The following MBNL2 variants were observed in gnomAD, a reference collection of about 807,000 sequenced individuals.
MBNL2 encodes the protein muscleblind-like protein 2.
A neutral mutation model predicts 41.9 loss-of-function variants in MBNL2; 17 were observed. That is an observed-to-expected ratio of 0.41 (90% confidence interval 0.28 to 0.61). The LOEUF (loss-of-function observed/expected upper bound fraction) is 0.61, where lower values mean the gene tolerates loss of function less well. Among genes scored for constraint, MBNL2 ranks in the 20% least tolerant of loss-of-function variants. The pLI, the probability that MBNL2 is intolerant of heterozygous loss-of-function variation, is 0.35. For missense variants in MBNL2, 336 were observed against 505.6 expected (o/e 0.66, Z 3.22); for synonymous variants, 195 against 182.9 (o/e 1.07, Z -0.53).
intron 1 of MBNL2, among the ~76,000 whole-genome samples, chr13:97,263,699 G>A (rs971304023): frequency 5.3e-5 from 8 of 151,548 alleles, no homozygotes; most frequent in Non-Finnish European, 1.2e-4. Context: ...CTCACTGCAA[G>A]CTCTGCCTCC....
intron 2 of MBNL2, among the ~76,000 whole-genome samples, chr13:97,302,533 T>C (rs1012275293): frequency 2.0e-5 from 3 of 152,222 alleles, no homozygotes; most frequent in Non-Finnish European, 4.4e-5. Flanking sequence ...AAAAGTGTTC[T>C]TTCCCTTAAT....
intron 1 of MBNL2, among the ~76,000 whole-genome samples, chr13:97,246,673 C>T (rs755976164): frequency 3.2e-4 from 49 of 152,228 alleles, no homozygotes; most frequent in Non-Finnish European, 6.8e-4. Context: ...CCCCTTCCAC[C>T]CCACCCCGAA....
At chr13:97,298,093 G>A (rs1355945048) in intron 2 of MBNL2, among the ~76,000 whole-genome samples, 5 of 151,804 alleles carry the variant, frequency 3.3e-5, no homozygotes, top group African/African-American at 1.2e-4. Context: ...ATAGTTAATG[G>A]GTGCAGCACA....
At chr13:97,219,736 G>A (rs1441902653), upstream of MBNL2, among the ~76,000 whole-genome samples, 2 of 152,282 alleles carry the variant, frequency 1.3e-5, no homozygotes, top group East Asian at 1.9e-4. Flanking sequence ...TAAATGTTAG[G>A]GGGACACAAT....
At chr13:97,342,709 T>C (rs2061531741) in intron 3 of MBNL2, among the ~76,000 whole-genome samples, 1 of 152,204 alleles carries the variant, frequency 6.6e-6, no homozygotes, top group African/African-American at 2.4e-5. Flanking sequence ...GTTATAACAT[T>C]TAATAGTTTG....
chr13:97,238,097 C>G (rs925317275), intron 1 of MBNL2, among the ~76,000 whole-genome samples: 2 of 152,130 alleles, frequency 1.3e-5, no homozygotes, highest in African/African-American at 4.8e-5. Context: ...AAAATTGGCT[C>G]TGATCATTAA....
At chr13:97,218,440 C>CAAAAAAAAAAAAAAAAAAAAAAAAA (rs372883729), upstream of MBNL2, among the ~76,000 whole-genome samples, 1 of 117,974 alleles carries the variant, frequency 8.5e-6, no homozygotes, top group African/African-American at 3.4e-5. Context: ...CAAAACAAAA[C>CAAAAAAAAAAAAAAAAAAAAAAAAA]AAAAAAAAAA....
chr13:97,330,433 C>T (rs1182818062), intron 2 of MBNL2, among the ~76,000 whole-genome samples: 1 of 152,178 alleles, frequency 6.6e-6, no homozygotes, highest in Non-Finnish European at 1.5e-5. Flanking sequence ...AGGCACTGGA[C>T]CCTCCCTCCC....
At chr13:97,388,314 C>CATATATATATATATATATAT (rs34389348) in intron 8 of MBNL2, among the ~76,000 whole-genome samples, 208 of 139,646 alleles carry the variant, frequency 1.5e-3, no homozygotes, top group African/African-American at 4.6e-3. Flanking sequence ...TACATACATA[C>CATATATATATATATATATAT]ATATATATAT....
At chr13:97,224,712 TAAG>T (rs904254018) in intron 1 of MBNL2, among the ~76,000 whole-genome samples, 2 of 151,636 alleles carry the variant, frequency 1.3e-5, no homozygotes, top group South Asian at 2.1e-4. Flanking sequence ...ACCTCGGTAT[TAAG>T]AAACTGTTGG....
intron 2 of MBNL2, among the ~76,000 whole-genome samples, chr13:97,311,802 A>T (rs1358232434): frequency 1.3e-5 from 2 of 152,206 alleles, no homozygotes; most frequent in Admixed American, 1.3e-4. Context: ...AACGTCCAAC[A>T]GTCCTCTCTC....
the MBNL2 span, among the ~76,000 whole-genome samples, chr13:97,213,116 C>T: frequency 6.6e-6 from 1 of 152,056 alleles, no homozygotes; most frequent in Admixed American, 6.6e-5. Context: ...TGCTAGATGC[C>T]TCAAGTTAGT....
At chr13:97,386,762 C>T (rs970658597) in intron 8 of MBNL2, among the ~76,000 whole-genome samples, 14 of 152,070 alleles carry the variant, frequency 9.2e-5, no homozygotes, top group East Asian at 7.7e-4. Flanking sequence ...AACTTGAGAA[C>T]GTATATTGAG....
At chr13:97,336,720 G>A (rs2060914002) in intron 3 of MBNL2, among the ~76,000 whole-genome samples, 1 of 152,130 alleles carries the variant, frequency 6.6e-6, no homozygotes, top group Non-Finnish European at 1.5e-5. Flanking sequence ...TGGAACTTCT[G>A]GCCTCCAGGA....
At chr13:97,318,511 G>T (rs2059241945) in intron 2 of MBNL2, among the ~76,000 whole-genome samples, 2 of 152,114 alleles carry the variant, frequency 1.3e-5, no homozygotes, top group Admixed American at 1.3e-4. Context: ...CATCTAATGA[G>T]TAAAAATAAT....
At chr13:97,342,895 T>G (rs2061546130) in intron 3 of MBNL2, 121 bp from the exon 4 acceptor site, 3 of 623,902 alleles carry the variant, frequency 4.8e-6, no homozygotes, top group Non-Finnish European at 8.6e-6. Context: ...AGGTCAGCAT[T>G]GAGCTATACA....
the MBNL2 span, among the ~76,000 whole-genome samples, chr13:97,157,792 T>A: frequency 7.9e-5 from 12 of 151,576 alleles, no homozygotes; most frequent in African/African-American, 2.9e-4. Flanking sequence ...CTGGATTTGG[T>A]TTGCCAGTAT....
intron 2 of MBNL2, among the ~76,000 whole-genome samples, chr13:97,284,577 T>C (rs935696995): frequency 1.3e-5 from 2 of 152,234 alleles, no homozygotes; most frequent in African/African-American, 4.8e-5. Flanking sequence ...AGTCACATTC[T>C]GAGGAACTGG....
At chr13:97,208,045 T>A in the MBNL2 span, among the ~76,000 whole-genome samples, 1 of 152,218 alleles carries the variant, frequency 6.6e-6, no homozygotes, top group East Asian at 1.9e-4. Context: ...ACAGCTCTGC[T>A]CCTGTGGTTT....
Sources: gnomAD v4.1 joint callset for allele counts (sites outside exome capture counted in the v4.1 genomes callset) on GRCh38, gnomAD v4.1.1 for gene constraint, MANE v1.5 for transcripts, NCBI Gene and HGNC (gene_info 2026-07-23, HGNC 2026-07-21) for gene names.